Variants in STT3A observed in about 807,000 individuals in gnomAD.
STT3A encodes STT3 oligosaccharyltransferase complex catalytic subunit A, also known as dolichyl-diphosphooligosaccharide--protein glycosyltransferase subunit STT3A.
In STT3A, 34 loss-of-function variants were observed where a neutral mutation model predicts 89.2. The observed-to-expected ratio is 0.38, with a 90% confidence interval of 0.29 to 0.51. The LOEUF (loss-of-function observed/expected upper bound fraction) is 0.51. STT3A is among the 20% of genes least tolerant of loss of function. The pLI, the probability that STT3A is intolerant of heterozygous loss-of-function variation, is 0.89. For synonymous variants in STT3A, 282 were observed against 310.3 expected (o/e 0.91, Z 0.96); for missense variants, 555 against 889.5 (o/e 0.62, Z 4.78).
chr11:125,599,726 A>T (rs995770915), intron 3 of STT3A, among the ~76,000 whole-genome samples: 50 of 136,050 alleles, frequency 3.7e-4, no homozygotes, highest in African/African-American at 1.0e-3. Flanking sequence ...ATTTTTATTT[A>T]TTATTATTAT....
chr11:125,594,569 C>CAAG (rs915731192), intron 1 of STT3A, among the ~76,000 whole-genome samples: 1 of 105,460 alleles, frequency 9.5e-6, no homozygotes, highest in African/African-American at 3.6e-5. Flanking sequence ...GGCGACAGAG[C>CAAG]AAGACTCCGT....
chr11:125,610,732 C>T (rs1474001692), intron 10 of STT3A: 1 of 79,172 alleles, frequency 1.3e-5, no homozygotes, highest in Non-Finnish European at 3.0e-5. Flanking sequence ...ACACCCATAC[C>T]CACACACACC....
rs1412215202 is a variant in STT3A, at chr11:125,605,612, G to T, written c.509-17G>T. On this transcript the variant is annotated splice_polypyrimidine_tract_variant and intron_variant, in intron 6 of 17. Coordinates refer to ENST00000392708, the MANE Select transcript of STT3A (RefSeq NM_152713.5). ...AGCCTGGCCTCTTGTTGAATTTTTG[G>T]TGTGTCCTTTCTGCAGGGATTGCCA... 3 of 1,602,752 alleles carry T rather than the reference G, an allele frequency of 1.9e-6. 1 individual carries two copies. The highest frequency in any genetic ancestry group is 2.6e-6 in the Non-Finnish European group (3 of 1,170,846).
rs1351711725 is a variant in STT3A, at chr11:125,621,374, A to G, written c.*564A>G. ...TAGAAGAGTGCCTTTCTGGGCTACT[A>G]TGTCTCTGTTCTCAATGTCTTTTAT... On this transcript the variant is annotated 3_prime_UTR_variant, in exon 18 of 18. Transcript: ENST00000392708. 1 of 152,202 alleles carries G rather than the reference A, an allele frequency of 6.6e-6. No individual in the cohort carries two copies. The highest frequency in any genetic ancestry group is 2.4e-5 in the African/African-American group (1 of 41,440). 9.4% of individuals were successfully genotyped at this position (152,202 alleles called of 1,614,324 possible).
At chr11:125,612,379 A>G (rs1460980112) in intron 11 of STT3A, among the ~76,000 whole-genome samples, 1 of 152,224 alleles carries the variant, frequency 6.6e-6, no homozygotes, top group Non-Finnish European at 1.5e-5. Context: ...ATCATTATTC[A>G]AGACACACAT....
intron 3 of STT3A, among the ~76,000 whole-genome samples, chr11:125,600,203 A>C (rs1476098498): frequency 6.6e-6 from 1 of 151,926 alleles, no homozygotes; most frequent in Non-Finnish European, 1.5e-5. Context: ...GGCATGCGCC[A>C]CCACGCCTGG....
At chr11:125,592,436 C>G (rs955207007), upstream of STT3A, 26 of 456,136 alleles carry the variant, frequency 5.7e-5, no homozygotes, top group Admixed American at 9.4e-5. Flanking sequence ...AGACGGGAGA[C>G]GAGCGGCTCC....
intron 8 of STT3A, among the ~76,000 whole-genome samples, chr11:125,607,743 A>G (rs12577384): frequency 0.36 from 54,717 of 152,110 alleles, 9,952 homozygotes; most frequent in Middle Eastern, 0.42. Context: ...GATATGGAAC[A>G]TAGAGAGGAG....
chr11:125,620,265 C>G (rs1218989915), intron 17 of STT3A, 139 bp downstream of exon 17: 8 of 659,452 alleles, frequency 1.2e-5, no homozygotes, highest in Non-Finnish European at 2.0e-5. Context: ...TGCAAACTCA[C>G]TGAAAATTTT....
intron 4 of STT3A, 188 bp from the exon 5 acceptor site, chr11:125,602,615 T>TA: frequency 4.7e-6 from 5 of 1,063,532 alleles, no homozygotes; most frequent in Non-Finnish European, 6.6e-6. Flanking sequence ...GGGTGGTTTT[T>TA]ATACATTCTA....
intron 7 of STT3A, 123 bp downstream of exon 7, chr11:125,605,858 A>G (rs1478123501): frequency 4.2e-5 from 32 of 758,876 alleles, no homozygotes; most frequent in East Asian, 3.5e-4. Context: ...CTTTTCCAGT[A>G]TATTTTTTCT....
At chr11:125,620,600 A>C (rs1940319257) in intron 17 of STT3A, among the ~76,000 whole-genome samples, 172 bp from the exon 18 acceptor site, 1 of 152,214 alleles carries the variant, frequency 6.6e-6, no homozygotes, top group South Asian at 2.1e-4. Flanking sequence ...GGTATTCCAA[A>C]AGGCTAAGCA....
At position 125,606,358 on chromosome 11, in the gene STT3A, G is replaced by A. The variant is rs1285254273; in HGVS notation, c.673G>A (p.Val225Met). ...LINLIPLHVL[V>M]LMLTGRFSHR... ...CAACTTAATTCCTCTCCACGTCCTC[G>A]TGCTGATGCTCACAGGCCGTTTCTC... Residue 225 changes from valine (V) to methionine (M), a missense_variant, in exon 8 of 18, where the codon GTG becomes ATG. Coordinates refer to ENST00000392708, the MANE Select transcript of STT3A (RefSeq NM_152713.5). 3.1e-6 allele frequency: 5 copies of A among 1,614,096 alleles called. No homozygotes were observed. The highest frequency in any genetic ancestry group is 1.1e-5 in the South Asian group (1 of 91,084).
chr11:125,592,474 A>C (rs1272076080), upstream of STT3A: 4 of 456,218 alleles, frequency 8.8e-6, no homozygotes, highest in African/African-American at 2.0e-5. Context: ...GACTTGGAGC[A>C]AGGGCCTATT....
In STT3A at chr11:125,620,134, G is replaced by GA; in HGVS notation, c.2079+9dup. On this transcript the variant is annotated intron_variant, in intron 17 of 17. Transcript: ENST00000392708. ...CTGGTCAGGATATACAAGGTAAGCAGATGCTATACGTCTCAGAAAGCAACT... is the reference window on the plus strand; with the variant it reads ...CTGGTCAGGATATACAAGGTAAGCAGAATGCTATACGTCTCAGAAAGCAACT... 1.2e-6 allele frequency: 2 copies of GA among 1,607,520 alleles called. No individual in the cohort carries two copies. The highest frequency in any genetic ancestry group is 1.7e-6 in the Non-Finnish European group (2 of 1,175,466).
At chr11:125,606,504 T>C in intron 8 of STT3A, 39 bp downstream of exon 8, 1 of 1,582,260 alleles carries the variant, frequency 6.3e-7, no homozygotes, top group Non-Finnish European at 8.6e-7. Context: ...GCTTCTACTT[T>C]TTCTATGCAG....
chr11:125,615,922 T>G (rs1191808048), intron 15 of STT3A, among the ~76,000 whole-genome samples: 3 of 152,052 alleles, frequency 2.0e-5, no homozygotes, highest in Admixed American at 2.0e-4. Flanking sequence ...ACTTGTAATC[T>G]CAGCTACTTG....
At chr11:125,615,936 G>A (rs1940166802) in intron 15 of STT3A, among the ~76,000 whole-genome samples, 2 of 152,194 alleles carry the variant, frequency 1.3e-5, no homozygotes, top group African/African-American at 4.8e-5. Context: ...CTACTTGGGA[G>A]GCTGAGGCCA....
intron 15 of STT3A, among the ~76,000 whole-genome samples, chr11:125,618,146 T>C (rs1025758580): frequency 6.6e-6 from 1 of 152,206 alleles, no homozygotes; most frequent in Non-Finnish European, 1.5e-5. Context: ...GGCTTAAGTC[T>C]GGACTAGTAG....
Sources: gnomAD v4.1 joint callset for allele counts (sites outside exome capture counted in the v4.1 genomes callset) on GRCh38, gnomAD v4.1.1 for gene constraint, MANE v1.5 for transcripts, NCBI Gene and HGNC (gene_info 2026-07-23, HGNC 2026-07-21) for gene names.